Variants in MEI4 observed in about 807,000 individuals in gnomAD.
The protein encoded by MEI4 is meiosis-specific protein MEI4.
Under a neutral mutation model 31.4 loss-of-function variants are expected in MEI4, and 27 were observed. The observed-to-expected ratio is 0.86, with a 90% confidence interval of 0.63 to 1.19. The LOEUF is 1.19. MEI4 is among the 50% of genes most tolerant of loss of function. The pLI is 0.00. For missense variants in MEI4, 329 were observed against 398.9 expected, an observed-to-expected ratio of 0.82 and a Z score of 1.49; for synonymous variants, 122 against 145.4, an observed-to-expected ratio of 0.84 and a Z score of 1.16.
chr6:77,762,808 A>T (rs1768075430), intron 3 of MEI4, among the ~76,000 whole-genome samples: 1 of 152,234 alleles, frequency 6.6e-6, no homozygotes, highest in Non-Finnish European at 1.5e-5. Flanking sequence ...TCTGTCTGGA[A>T]AATGGAAATC....
At chr6:77,726,790 G>A (rs2127665407) in intron 2 of MEI4, among the ~76,000 whole-genome samples, 1 of 151,616 alleles carries the variant, frequency 6.6e-6, no homozygotes, top group Admixed American at 6.6e-5. Flanking sequence ...CAAGGCTAAA[G>A]GGTAAAGATT....
intron 4 of MEI4, among the ~76,000 whole-genome samples, chr6:77,913,707 T>A (rs1766479782): frequency 6.6e-6 from 1 of 151,816 alleles, no homozygotes; most frequent in African/African-American, 2.4e-5. Flanking sequence ...GATAACAGAT[T>A]ATCGATTTTG....
intron 4 of MEI4, among the ~76,000 whole-genome samples, chr6:77,907,339 C>T (rs1469179005): frequency 6.6e-6 from 1 of 152,046 alleles, no homozygotes; most frequent in Non-Finnish European, 1.5e-5. Flanking sequence ...TTCCTGTGTC[C>T]ATGTGTTCTC....
chr6:77,829,182 T>A, intron 4 of MEI4, 120 bp downstream of exon 4: 1 of 738,236 alleles, frequency 1.4e-6, no homozygotes, highest in Non-Finnish European at 1.9e-6. Context: ...ACCTTATGTC[T>A]AATATATGTG....
At chr6:77,873,283 A>T (rs1308956721) in intron 4 of MEI4, among the ~76,000 whole-genome samples, 1 of 152,168 alleles carries the variant, frequency 6.6e-6, no homozygotes. Flanking sequence ...TGACTTTTTA[A>T]TGATCGCCAT....
chr6:77,708,785 T>C (rs1377148815), intron 2 of MEI4, among the ~76,000 whole-genome samples: 2 of 152,172 alleles, frequency 1.3e-5, no homozygotes, highest in African/African-American at 4.8e-5. Flanking sequence ...TTGCCCCTGT[T>C]CTTGGCACAT....
intron 1 of MEI4, among the ~76,000 whole-genome samples, chr6:77,663,407 G>A (rs1484281487): frequency 1.8e-4 from 27 of 151,920 alleles, no homozygotes; most frequent in South Asian, 2.1e-4. Context: ...GGTTAAGGTG[G>A]GGGGATACAA....
intron 2 of MEI4, among the ~76,000 whole-genome samples, chr6:77,692,647 G>C (rs1769179473): frequency 6.6e-6 from 1 of 152,046 alleles, no homozygotes; most frequent in African/African-American, 2.4e-5. Context: ...TGGTTTCAGA[G>C]AGTGGTTAAG....
At chr6:77,838,066 T>C (rs1472784013) in intron 4 of MEI4, among the ~76,000 whole-genome samples, 3 of 152,114 alleles carry the variant, frequency 2.0e-5, no homozygotes, top group African/African-American at 7.2e-5. Context: ...TAGCTGATAT[T>C]ATTATTACTA....
At chr6:77,801,167 A>G (rs943315895) in intron 3 of MEI4, among the ~76,000 whole-genome samples, 31 of 152,316 alleles carry the variant, frequency 2.0e-4, no homozygotes, top group South Asian at 4.1e-4. Flanking sequence ...CCTCAATTTC[A>G]GAGCCTGTTT....
At chr6:77,811,589 A>G (rs1769574680) in intron 3 of MEI4, among the ~76,000 whole-genome samples, 1 of 152,076 alleles carries the variant, frequency 6.6e-6, no homozygotes, top group African/African-American at 2.4e-5. Flanking sequence ...ATCCTGGCCA[A>G]CATGGTGAAA....
At chr6:77,756,647 C>G (rs142838950) in intron 2 of MEI4, among the ~76,000 whole-genome samples, 138 of 151,452 alleles carry the variant, frequency 9.1e-4, no homozygotes, top group African/African-American at 3.1e-3. Flanking sequence ...CTCTTTCTCT[C>G]CCTCTTTGTA....
intron 3 of MEI4, among the ~76,000 whole-genome samples, chr6:77,785,603 A>C (rs1561987151): frequency 6.6e-6 from 1 of 152,162 alleles, no homozygotes; most frequent in Non-Finnish European, 1.5e-5. Flanking sequence ...CAAAGCAAGG[A>C]TATTGTGTAT....
At chr6:77,839,987 G>A (rs921979456) in intron 4 of MEI4, among the ~76,000 whole-genome samples, 1 of 152,034 alleles carries the variant, frequency 6.6e-6, no homozygotes, top group Non-Finnish European at 1.5e-5. Context: ...AATGACCAAG[G>A]ACTTTAACGC....
intron 2 of MEI4, 145 bp downstream of exon 2, chr6:77,691,048 T>G: frequency 2.4e-6 from 1 of 414,428 alleles, no homozygotes; most frequent in Non-Finnish European, 4.1e-6. Flanking sequence ...ATTTTTTTAC[T>G]TCTGGTCATT....
chr6:77,843,036 AT>A (rs1173196328), intron 4 of MEI4, among the ~76,000 whole-genome samples: 2 of 151,866 alleles, frequency 1.3e-5, no homozygotes, highest in Non-Finnish European at 2.9e-5. Context: ...TATTCCAAAA[AT>A]TGGAAGACAG....
chr6:77,804,955 A>C (rs1193548816), intron 3 of MEI4, among the ~76,000 whole-genome samples: 1 of 152,204 alleles, frequency 6.6e-6, no homozygotes, highest in African/African-American at 2.4e-5. Context: ...TTTGTTCAGC[A>C]GGTTTTATCT....
At chr6:77,855,539 A>G (rs1770725586) in intron 4 of MEI4, among the ~76,000 whole-genome samples, 1 of 152,218 alleles carries the variant, frequency 6.6e-6, no homozygotes, top group African/African-American at 2.4e-5. Flanking sequence ...ACAAAGTAAA[A>G]AGATTTCCAT....
Position 77,916,972 on chromosome 6 carries a change from C to T in MEI4, c.901-6117C>T, listed in dbSNP as rs373015255. 1.5e-3 allele frequency among the ~76,000 whole-genome samples: 217 copies of T among 148,928 alleles called. 4 individuals are homozygous for T. In the East Asian group the frequency reaches 0.031, roughly 21 times the overall value. Reference sequence around the variant, plus strand: ...AGTGTGATATTCCCCTTCCTGTGTCCGTGTGATCTCATTGTTCAATTCCCA... The same window carrying T: ...AGTGTGATATTCCCCTTCCTGTGTCTGTGTGATCTCATTGTTCAATTCCCA... On this transcript the variant is annotated intron_variant, in intron 4 of 4. Coordinates refer to ENST00000684080, the MANE Select transcript of MEI4 (RefSeq NM_001322247.2).
Sources: gnomAD v4.1 joint callset for allele counts (sites outside exome capture counted in the v4.1 genomes callset) on GRCh38, gnomAD v4.1.1 for gene constraint, MANE v1.5 for transcripts, NCBI Gene and HGNC (gene_info 2026-07-23, HGNC 2026-07-21) for gene names.